Variants in ZRANB3 observed in about 807,000 individuals in gnomAD.
The protein encoded by ZRANB3 is zinc finger RANBP2-type containing 3.
A neutral mutation model predicts 133.8 loss-of-function variants in ZRANB3; 125 were observed. The ratio of observed to expected loss-of-function variants is 0.93; its 90% CI spans 0.81 to 1.08. The LOEUF (loss-of-function observed/expected upper bound fraction) is 1.08. Ranked by LOEUF, ZRANB3 falls within the 50% of genes least tolerant of loss-of-function variation. The probability of loss-of-function intolerance (pLI) is 0.00; values close to 1 mark genes in which losing one functional copy is unlikely to be tolerated. For missense variants in ZRANB3, 1,229 were observed against 1,275.5 expected (o/e 0.96, Z 0.56); for synonymous variants, 387 against 432.7 (o/e 0.89, Z 1.31).
chr2:135,370,872 G>T (rs550548396), intron 3 of ZRANB3, among the ~76,000 whole-genome samples: 97 of 152,280 alleles, frequency 6.4e-4, no homozygotes, highest in African/African-American at 2.2e-3. Context: ...CCCTCATGCT[G>T]TTCGCATGAT....
rs757936365 is a variant in ZRANB3, at chr2:135,504,525, A to T, written c.-7-29T>A. 13 of 1,582,826 alleles carry T rather than the reference A, an allele frequency of 8.2e-6. No individual in the cohort carries two copies. In the South Asian group the frequency reaches 1.4e-4, roughly 17 times the overall value. On this transcript the variant is annotated intron_variant, in intron 1 of 20. Transcript: ENST00000264159. ...AAAACAAAGAAACAACAAAAAAGGG[A>T]GGGGTATAAGAAATAGATATTACTA...
Position 135,290,461 on chromosome 2 carries a change from C to T in ZRANB3, c.967-14706G>A, listed in dbSNP as rs79449209. Among the ~76,000 whole-genome samples the T allele has an allele frequency of 6.9e-4, 105 of 152,238 alleles. 1 individual carries two copies. In the East Asian group the frequency reaches 0.018, roughly 26 times the overall value. Reference sequence around the variant, plus strand: ...ATTTACATGGACTATCTTTTTGCACCGCTTTACCTTAAGTTTATGTGAATC... The same window carrying T: ...ATTTACATGGACTATCTTTTTGCACTGCTTTACCTTAAGTTTATGTGAATC... On this transcript the variant is annotated intron_variant, in intron 8 of 20. Coordinates refer to ENST00000264159, the MANE Select transcript of ZRANB3 (RefSeq NM_032143.4).
At chr2:135,520,919 T>C (rs1289517706) in intron 1 of ZRANB3, among the ~76,000 whole-genome samples, 1 of 152,176 alleles carries the variant, frequency 6.6e-6, no homozygotes, top group Non-Finnish European at 1.5e-5. Context: ...AAAGCAAGAA[T>C]ATTACAATCT....
At chr2:135,353,273 T>C in intron 4 of ZRANB3, 177 bp downstream of exon 4, 1 of 382,580 alleles carries the variant, frequency 2.6e-6, no homozygotes, top group East Asian at 4.4e-5. Context: ...AACTAAAATA[T>C]ACTATTGGGT....
chr2:135,505,361 G>A (rs1384025021), intron 1 of ZRANB3, among the ~76,000 whole-genome samples: 1 of 152,134 alleles, frequency 6.6e-6, no homozygotes, highest in Non-Finnish European at 1.5e-5. Context: ...GGATCATGAG[G>A]TCAGGAGTTC....
At chr2:135,251,546 T>C (rs547744625) in intron 12 of ZRANB3, among the ~76,000 whole-genome samples, 14 of 152,278 alleles carry the variant, frequency 9.2e-5, no homozygotes, top group Admixed American at 2.0e-4. Context: ...GGGTAGGTAA[T>C]TGAATTATGG....
intron 2 of ZRANB3, among the ~76,000 whole-genome samples, chr2:135,474,255 C>A (rs780566231): frequency 6.6e-5 from 10 of 152,040 alleles, no homozygotes; most frequent in Non-Finnish European, 1.3e-4. Flanking sequence ...ACAATTAGTT[C>A]CAGTTCATTT....
chr2:135,331,014 T>C lies in ZRANB3; in HGVS notation c.677+14536A>G, dbSNP rs1684114159. 3.9e-5 allele frequency among the ~76,000 whole-genome samples: 6 copies of C among 152,188 alleles called. 1 individual carries two copies. The South Asian group carries it at 1.2e-3, about 32-fold the overall frequency. On this transcript the variant is annotated intron_variant, in intron 6 of 20. Coordinates refer to ENST00000264159, the MANE Select transcript of ZRANB3 (RefSeq NM_032143.4). ...AAAAACCAGCTCCTGGATTCATTGATTTTTTGAATCATTGATTTTGGTTTT... is the reference window on the plus strand; with the variant it reads ...AAAAACCAGCTCCTGGATTCATTGACTTTTTGAATCATTGATTTTGGTTTT...
intron 20 of ZRANB3, among the ~76,000 whole-genome samples, chr2:135,202,223 G>C (rs1174299864): frequency 6.6e-6 from 1 of 152,134 alleles, no homozygotes; most frequent in Non-Finnish European, 1.5e-5. Context: ...AAAAAAAGTT[G>C]AATACAAAGT....
At chr2:135,277,483 T>C (rs912102751) in intron 8 of ZRANB3, among the ~76,000 whole-genome samples, 4 of 152,226 alleles carry the variant, frequency 2.6e-5, no homozygotes, top group South Asian at 2.1e-4. Context: ...CTGGAAGAGA[T>C]TGCATTTATA....
intron 3 of ZRANB3, among the ~76,000 whole-genome samples, chr2:135,368,489 TAA>T (rs1397473246): frequency 1.3e-5 from 2 of 151,944 alleles, no homozygotes; most frequent in African/African-American, 4.8e-5. Flanking sequence ...CATAAACTAA[TAA>T]GTTAAAATAA....
chr2:135,525,677 G>A (rs372160198), intron 1 of ZRANB3, among the ~76,000 whole-genome samples: 5 of 151,872 alleles, frequency 3.3e-5, no homozygotes, highest in African/African-American at 9.7e-5. Context: ...GCGAAACCCC[G>A]TCTCTATTAA....
intron 2 of ZRANB3, among the ~76,000 whole-genome samples, chr2:135,404,459 C>T (rs1687908382): frequency 6.6e-6 from 1 of 152,080 alleles, no homozygotes; most frequent in Non-Finnish European, 1.5e-5. Flanking sequence ...TGTGAAAAGA[C>T]CAAATCTACA....
chr2:135,275,742 T>A lies in ZRANB3; in HGVS notation c.980A>T (p.Lys327Met). ...QTAIAKAGAVKDYIKMMLQND... is the reference protein window; with the variant it reads ...QTAIAKAGAVMDYIKMMLQND... The stretch of plus-strand genomic sequence containing the variant: ...CTGAAGCATCATCTTAATATAATCC[T>A]TTACAGCACCTGCCTAAATATTAAA... Residue 327 changes from lysine (K) to methionine (M), a missense_variant, in exon 9 of 21, where the codon AAG (lysine) becomes ATG (methionine). Lys to Met is a moderately conservative substitution (Grantham distance 95). Coordinates refer to ENST00000264159, the MANE Select transcript of ZRANB3 (RefSeq NM_032143.4). 1 of 1,574,634 alleles carries A rather than the reference T, an allele frequency of 6.4e-7. No homozygotes were observed. The highest frequency in any genetic ancestry group is 1.4e-5 in the African/African-American group (1 of 73,838).
intron 6 of ZRANB3, among the ~76,000 whole-genome samples, chr2:135,316,940 T>C (rs1683283421): frequency 7.1e-6 from 1 of 140,736 alleles, no homozygotes; most frequent in Admixed American, 8.0e-5. Flanking sequence ...CACTCCAGCC[T>C]GGTGACAGAG....
intron 12 of ZRANB3, among the ~76,000 whole-genome samples, chr2:135,250,574 T>G (rs1679342518): frequency 6.6e-6 from 1 of 152,196 alleles, no homozygotes; most frequent in African/African-American, 2.4e-5. Context: ...CTGTGCTGCG[T>G]TCAGCCTAGG....
intron 3 of ZRANB3, among the ~76,000 whole-genome samples, chr2:135,360,276 G>C (rs1685616688): frequency 6.6e-6 from 1 of 152,132 alleles, no homozygotes; most frequent in Non-Finnish European, 1.5e-5. Flanking sequence ...AGCTACTCGG[G>C]AGGCTGAGGC....
At chr2:135,416,487 T>C (rs1688579141) in intron 2 of ZRANB3, among the ~76,000 whole-genome samples, 2 of 152,096 alleles carry the variant, frequency 1.3e-5, no homozygotes, top group Non-Finnish European at 2.9e-5. Context: ...GAACATTCCA[T>C]GCTCATGGGT....
chr2:135,348,897 T>C (rs1685066836), intron 5 of ZRANB3, among the ~76,000 whole-genome samples: 2 of 152,164 alleles, frequency 1.3e-5, no homozygotes, highest in Non-Finnish European at 2.9e-5. Context: ...TCCAGCCGAC[T>C]CTCTGGACTC....
Sources: allele counts gnomAD v4.1 joint callset (sites outside exome capture counted in the v4.1 genomes callset), GRCh38; gene constraint gnomAD v4.1.1; transcripts MANE v1.5; gene names NCBI Gene and HGNC (gene_info 2026-07-23, HGNC 2026-07-21).